The following PTPN22 variants were observed in gnomAD, a reference collection of about 807,000 sequenced individuals.
PTPN22 encodes the protein protein tyrosine phosphatase non-receptor type 22.
PTPN22 carries 85 observed loss-of-function variants against 103.3 expected under a neutral mutation model. The ratio of observed to expected loss-of-function variants is 0.82; its 90% CI spans 0.69 to 0.99. The LOEUF (loss-of-function observed/expected upper bound fraction) is 0.99. Ranked by LOEUF, PTPN22 falls within the 50% of genes least tolerant of loss-of-function variation. PTPN22 has a pLI of 0.00. For synonymous variants in PTPN22, 323 were observed against 310.2 expected, an observed-to-expected ratio of 1.04 and a Z score of -0.43; for missense variants, 865 against 936.9, an observed-to-expected ratio of 0.92 and a Z score of 1.00.
At chr1:113,814,450 G>C (rs921249301) in exon 21 of PTPN22, 1 of 154,606 alleles carries the variant, frequency 6.5e-6, no homozygotes, top group African/African-American at 2.4e-5. Context: ...AACTGTCAGG[G>C]AATAGTCATT....
chr1:113,862,289 A>C (rs560676431), intron 1 of PTPN22, among the ~76,000 whole-genome samples: 1 of 152,104 alleles, frequency 6.6e-6, no homozygotes, highest in Admixed American at 6.5e-5. Context: ...CCTCAAAAAA[A>C]ATAAAAATAA....
intron 13 of PTPN22, among the ~76,000 whole-genome samples, chr1:113,836,301 G>A (rs866296706): frequency 3.3e-5 from 5 of 152,222 alleles, no homozygotes; most frequent in South Asian, 2.1e-4. Context: ...CTCTAACAGG[G>A]TGCTCATTTC....
intron 10 of PTPN22, among the ~76,000 whole-genome samples, chr1:113,849,582 A>AT (rs1320205865): frequency 1.1e-4 from 9 of 80,710 alleles, no homozygotes; most frequent in African/African-American, 4.0e-4. Flanking sequence ...CTCTTTATTT[A>AT]TTTATTTATT....
intron 7 of PTPN22, 121 bp downstream of exon 7, chr1:113,856,261 C>A: frequency 7.6e-7 from 1 of 1,319,524 alleles, no homozygotes; most frequent in East Asian, 2.6e-5. Flanking sequence ...AAGACTCATT[C>A]ATGACATCAA....
chr1:113,857,937 G>A (rs1192632470), intron 4 of PTPN22, 161 bp from the exon 5 acceptor site: 2 of 546,796 alleles, frequency 3.7e-6, no homozygotes, highest in African/African-American at 4.0e-5. Flanking sequence ...AAATATTGCT[G>A]CTACTCTTCC....
At chr1:113,829,672 T>C (rs751888911) in exon 18 of PTPN22, 15 of 1,606,310 alleles carry the variant, frequency 9.3e-6, no homozygotes, top group African/African-American at 1.3e-5. Flanking sequence ...TCAGGATAGC[T>C]AGTAGAATAT....
exon 13 of PTPN22, chr1:113,838,081 G>A: frequency 1.2e-6 from 2 of 1,613,798 alleles, no homozygotes; most frequent in Non-Finnish European, 1.7e-6. Context: ...TGGCACCTTT[G>A]AATTAAAATA....
intron 18 of PTPN22, among the ~76,000 whole-genome samples, chr1:113,827,998 T>C (rs562152489): frequency 1.3e-5 from 2 of 152,368 alleles, no homozygotes; most frequent in East Asian, 3.9e-4. Context: ...TTTTTCATTA[T>C]GAATGAAATT....
intron 11 of PTPN22, among the ~76,000 whole-genome samples, chr1:113,842,965 T>G (rs1663694097): frequency 1.4e-5 from 2 of 147,134 alleles, no homozygotes; most frequent in South Asian, 4.4e-4. Flanking sequence ...CCGGGCGTAG[T>G]GGCGGGCGCC....
intron 3 of PTPN22, 42 bp from the exon 4 acceptor site, chr1:113,858,615 A>C: frequency 2.5e-6 from 3 of 1,202,658 alleles, no homozygotes; most frequent in Admixed American, 2.5e-5. Flanking sequence ...TACAAATAAT[A>C]CCCTGTTCTC....
Position 113,815,293 on chromosome 1 carries a change from C to A in PTPN22, c.2360-324G>T, listed in dbSNP as rs555334392. Reference sequence around the variant, plus strand: ...TTTGTCTATGACTTTTTGTCATCCACTCCATCCCATTAAATGAAGTCAGGA... The same window carrying A: ...TTTGTCTATGACTTTTTGTCATCCAATCCATCCCATTAAATGAAGTCAGGA... On this transcript the variant is annotated intron_variant, in intron 20 of 20. Transcript: ENST00000359785. 3.6e-5 allele frequency: 7 copies of A among 195,412 alleles called. No homozygotes were observed. In the South Asian group the frequency reaches 9.0e-4, roughly 25 times the overall value. 12.1% of individuals were successfully genotyped at this position (195,412 alleles called of 1,614,324 possible). A position where few individuals can be genotyped will look rare whatever the true frequency, so the allele number is the denominator to read the frequency against.
At chr1:113,856,440 T>C in exon 7 of PTPN22, 1 of 1,605,062 alleles carries the variant, frequency 6.2e-7, no homozygotes, top group Non-Finnish European at 8.5e-7. Flanking sequence ...TTTTTCAGCT[T>C]CCTAAAAAGA....
chr1:113,848,691 C>T, intron 10 of PTPN22, 65 bp from the exon 11 acceptor site: 1 of 1,456,648 alleles, frequency 6.9e-7, no homozygotes, highest in Non-Finnish European at 9.4e-7. Flanking sequence ...ACGACAGGAC[C>T]AGATTTTAGG....
intron 11 of PTPN22, among the ~76,000 whole-genome samples, chr1:113,842,610 G>T (rs1235781046): frequency 1.3e-5 from 2 of 151,706 alleles, no homozygotes; most frequent in African/African-American, 4.8e-5. Context: ...GGAGGCAGAG[G>T]TTGCATTGAG....
At chr1:113,855,408 T>G (rs1215917595) in intron 7 of PTPN22, among the ~76,000 whole-genome samples, 1 of 148,036 alleles carries the variant, frequency 6.8e-6, no homozygotes, top group South Asian at 2.1e-4. Flanking sequence ...GGCACAAGAG[T>G]TGCTTGGACC....
chr1:113,838,607 T>A (rs1325881125), exon 12 of PTPN22: 8 of 1,613,452 alleles, frequency 5.0e-6, no homozygotes, highest in Middle Eastern at 1.6e-4. Flanking sequence ...AGGAATACAA[T>A]GCTTTGCTTG....
At chr1:113,854,532 C>A (rs1161256976) in exon 9 of PTPN22, 2 of 1,613,250 alleles carry the variant, frequency 1.2e-6, no homozygotes, top group South Asian at 2.2e-5. Flanking sequence ...CCTTCCACAG[C>A]CAGCACTGAA....
chr1:113,836,590 A>AT (rs1259920138), intron 13 of PTPN22, among the ~76,000 whole-genome samples: 3 of 152,104 alleles, frequency 2.0e-5, no homozygotes, highest in African/African-American at 4.8e-5. Context: ...TATTGATCAA[A>AT]TTTTTTTCTG....
intron 11 of PTPN22, among the ~76,000 whole-genome samples, chr1:113,843,132 T>C (rs1663747059): frequency 6.7e-6 from 1 of 148,214 alleles, no homozygotes; most frequent in Non-Finnish European, 1.5e-5. Context: ...AAACATAGAA[T>C]TACCACATGT....
Sources: gnomAD v4.1 joint callset for allele counts (sites outside exome capture counted in the v4.1 genomes callset) on GRCh38, gnomAD v4.1.1 for gene constraint, MANE v1.5 for transcripts, NCBI Gene and HGNC (gene_info 2026-07-23, HGNC 2026-07-21) for gene names.